PTPRD: variants seen among roughly 807,000 people sequenced by gnomAD.
PTPRD encodes the protein receptor-type tyrosine-protein phosphatase delta.
PTPRD carries 34 observed loss-of-function variants against 214.5 expected under a neutral mutation model. The observed-to-expected ratio is 0.16, with a 90% CI of 0.12 to 0.21. The LOEUF is 0.21. PTPRD is among the 10% of genes least tolerant of loss of function. The probability of loss-of-function intolerance (pLI) is 1.00; values close to 1 mark genes in which losing one functional copy is unlikely to be tolerated. For missense variants in PTPRD, 2,545 were observed against 2,398.7 expected, an observed-to-expected ratio of 1.06 and a Z score of -1.27; for synonymous variants, 1,128 against 845.7, an observed-to-expected ratio of 1.33 and a Z score of -5.79.
chr9:9,398,528 T>G (rs996411641), intron 8 of PTPRD, among the ~76,000 whole-genome samples: 1 of 151,994 alleles, frequency 6.6e-6, no homozygotes, highest in Non-Finnish European at 1.5e-5. Flanking sequence ...CAATTTCCAT[T>G]GCAGTTTCTG....
intron 4 of PTPRD, among the ~76,000 whole-genome samples, chr9:9,979,653 C>T (rs1239269632): frequency 1.3e-5 from 2 of 152,012 alleles, no homozygotes; most frequent in African/African-American, 2.4e-5. Context: ...ATGAAGAACT[C>T]AACAAACTAT....
intron 12 of PTPRD, among the ~76,000 whole-genome samples, chr9:8,656,705 G>C (rs2096916520): frequency 1.3e-5 from 2 of 152,146 alleles, no homozygotes; most frequent in African/African-American, 4.8e-5. Context: ...ATTTGTTTTG[G>C]ATTTAGCAGA....
intron 5 of PTPRD, among the ~76,000 whole-genome samples, chr9:9,917,972 T>G (rs560057911): frequency 6.6e-6 from 1 of 151,936 alleles, no homozygotes. Context: ...TACTGATCAG[T>G]GAAAAGCTGG....
chr9:9,748,275 C>G (rs1293519850), intron 6 of PTPRD, among the ~76,000 whole-genome samples: 1 of 152,018 alleles, frequency 6.6e-6, no homozygotes, highest in Non-Finnish European at 1.5e-5. Flanking sequence ...CAGTGGGATC[C>G]TACACTAAAA....
chr9:10,458,910 T>C (rs2098937488), intron 2 of PTPRD, among the ~76,000 whole-genome samples: 1 of 152,202 alleles, frequency 6.6e-6, no homozygotes, highest in African/African-American at 2.4e-5. Context: ...GGATTTTTTT[T>C]TATTACACTT....
intron 7 of PTPRD, among the ~76,000 whole-genome samples, chr9:9,575,356 T>G (rs1237422347): frequency 6.6e-6 from 1 of 152,056 alleles, no homozygotes; most frequent in African/African-American, 2.4e-5. Context: ...ATAATTATGC[T>G]AGTTATTATT....
intron 4 of PTPRD, among the ~76,000 whole-genome samples, chr9:9,942,893 TTG>T (rs1447588576): frequency 9.4e-4 from 111 of 118,442 alleles, no homozygotes; most frequent in Admixed American, 4.1e-3. Context: ...TTGCTCTGAG[TTG>T]TTTTTTTTTT....
chr9:10,546,580 A>G (rs1002304161), intron 2 of PTPRD, among the ~76,000 whole-genome samples: 1 of 152,060 alleles, frequency 6.6e-6, no homozygotes, highest in African/African-American at 2.4e-5. Flanking sequence ...TATTGTATAA[A>G]CAATTGGTAC....
intron 7 of PTPRD, among the ~76,000 whole-genome samples, chr9:9,642,162 A>C (rs1255601370): frequency 6.8e-6 from 1 of 146,064 alleles, no homozygotes; most frequent in Non-Finnish European, 1.5e-5. Context: ...AACTATCGCA[A>C]GAACAAAAAA....
intron 14 of PTPRD, among the ~76,000 whole-genome samples, chr9:8,558,809 TTACATGCAATGGCGAAC>T (rs1187898378): frequency 6.6e-6 from 1 of 152,212 alleles, no homozygotes; most frequent in Non-Finnish European, 1.5e-5. Flanking sequence ...ATGACTTGAC[TTACATGCAATGGCGAAC>T]TGAAATAAAA....
At chr9:10,276,686 C>A (rs1419639345) in intron 3 of PTPRD, among the ~76,000 whole-genome samples, 2 of 152,092 alleles carry the variant, frequency 1.3e-5, no homozygotes, top group East Asian at 3.9e-4. Flanking sequence ...CTGGCATATG[C>A]CTAGAAAGTA....
chr9:9,695,074 C>T (rs113030268), intron 7 of PTPRD, among the ~76,000 whole-genome samples: 12 of 152,114 alleles, frequency 7.9e-5, no homozygotes, highest in Non-Finnish European at 1.0e-4. Flanking sequence ...TGCTGGGTCT[C>T]CTCCACATTC....
At chr9:8,559,261 A>T (rs1036520266) in intron 14 of PTPRD, among the ~76,000 whole-genome samples, 5 of 152,226 alleles carry the variant, frequency 3.3e-5, no homozygotes, top group Admixed American at 6.5e-5. Flanking sequence ...GAAATGAACT[A>T]TAATGGTCCC....
At chr9:10,153,716 GT>G (rs2099076367) in intron 3 of PTPRD, among the ~76,000 whole-genome samples, 1 of 152,138 alleles carries the variant, frequency 6.6e-6, no homozygotes, top group African/African-American at 2.4e-5. Context: ...GGAGGTAACA[GT>G]GTCTTTTGTT....
intron 5 of PTPRD, among the ~76,000 whole-genome samples, chr9:9,892,798 G>A (rs937803476): frequency 5.3e-5 from 8 of 151,934 alleles, no homozygotes; most frequent in Admixed American, 2.0e-4. Flanking sequence ...AAGCTTGAGT[G>A]GTATAATATT....
intron 11 of PTPRD, among the ~76,000 whole-genome samples, chr9:8,837,984 G>A (rs929123747): frequency 6.6e-6 from 1 of 152,120 alleles, no homozygotes; most frequent in Non-Finnish European, 1.5e-5. Context: ...GTGAAAATAT[G>A]AATTAAGGCT....
chr9:9,246,315 C>T (rs1489042313), intron 9 of PTPRD, among the ~76,000 whole-genome samples: 1 of 152,048 alleles, frequency 6.6e-6, no homozygotes, highest in Non-Finnish European at 1.5e-5. Context: ...GAAATTAAAA[C>T]TGAACTTTTC....
At chr9:9,023,432 C>G (rs17587918) in intron 10 of PTPRD, among the ~76,000 whole-genome samples, 53,283 of 151,852 alleles carry the variant, frequency 0.35, 9,744 homozygotes, top group Non-Finnish European at 0.4. Context: ...AAACACAAAA[C>G]GCCTAGGACC....
rs528382559 is a variant in PTPRD at position 9,877,740 on chromosome 9, C to T, written c.-368+60767G>A. Among the ~76,000 whole-genome samples the T allele has an allele frequency of 5.8e-4, 88 of 151,970 alleles. 1 individual carries two copies. Among genetic ancestry groups the T allele is most frequent in the Non-Finnish European group, 8.8e-4 (60 of 67,960 alleles). On this transcript the variant is annotated intron_variant, in intron 5 of 45. Transcript: ENST00000381196. ...CTGTAATCCCAGCACTTTGGGAGGA[C>T]GAGGCAGGCAGATCACCTGAGGTAG...
Sources: gnomAD v4.1 joint callset for allele counts (sites outside exome capture counted in the v4.1 genomes callset) on GRCh38, gnomAD v4.1.1 for gene constraint, MANE v1.5 for transcripts, NCBI Gene and HGNC (gene_info 2026-07-23, HGNC 2026-07-21) for gene names.